Variants in RBFOX1 observed in about 807,000 individuals in gnomAD.
RBFOX1 encodes RNA binding protein fox-1 homolog 1.
In RBFOX1, 8 loss-of-function variants were observed where a neutral mutation model predicts 57.7. That is an observed-to-expected ratio of 0.14 (90% CI 0.08 to 0.25). The LOEUF (loss-of-function observed/expected upper bound fraction) is 0.25. Among genes scored for constraint, RBFOX1 ranks in the 10% least tolerant of loss-of-function variants. The pLI is 1.00. For synonymous variants in RBFOX1, 326 were observed against 222.4 expected (o/e 1.47, Z -4.15); for missense variants, 611 against 548.5 (o/e 1.11, Z -1.14).
intron 1 of RBFOX1, among the ~76,000 whole-genome samples, chr16:6,241,617 C>T (rs528328431): frequency 7.2e-5 from 11 of 152,262 alleles, no homozygotes; most frequent in South Asian, 2.1e-4. Flanking sequence ...CTCCCAAAGA[C>T]GTGGTGTTAA....
intron 2 of RBFOX1, among the ~76,000 whole-genome samples, chr16:6,379,007 C>G (rs1282532615): frequency 6.6e-6 from 1 of 152,064 alleles, no homozygotes; most frequent in African/African-American, 2.4e-5. Context: ...GAAGAGAGCT[C>G]TTCACGTGGG....
chr16:6,524,814 C>T (rs1306849787), intron 2 of RBFOX1, among the ~76,000 whole-genome samples: 1 of 152,144 alleles, frequency 6.6e-6, no homozygotes, highest in Non-Finnish European at 1.5e-5. Context: ...CTTCTTCCTC[C>T]ATCACCTGGC....
At chr16:7,247,327 G>A (rs1257102700) in intron 4 of RBFOX1, among the ~76,000 whole-genome samples, 3 of 152,106 alleles carry the variant, frequency 2.0e-5, no homozygotes, top group Non-Finnish European at 4.4e-5. Context: ...AGACACACCC[G>A]CAGTGGAGGG....
At chr16:5,984,458 CAT>C (rs947414951) in intron 4 of RBFOX1, among the ~76,000 whole-genome samples, 1 of 151,766 alleles carries the variant, frequency 6.6e-6, no homozygotes, top group Non-Finnish European at 1.5e-5. Context: ...ATTATCCAGC[CAT>C]AGTTATCCCA....
At chr16:7,576,915 C>T (rs771082729) in intron 5 of RBFOX1, among the ~76,000 whole-genome samples, 2 of 152,094 alleles carry the variant, frequency 1.3e-5, no homozygotes, top group Non-Finnish European at 2.9e-5. Context: ...CTGTAAACTC[C>T]GAGTCTGGGT....
chr16:6,210,797 CT>C (rs1289352617), intron 1 of RBFOX1, among the ~76,000 whole-genome samples: 4 of 152,050 alleles, frequency 2.6e-5, no homozygotes, highest in Non-Finnish European at 4.4e-5. Context: ...GTAATAATGC[CT>C]GATTCTTCAA....
chr16:6,726,311 G>A (rs2067157211), intron 3 of RBFOX1, among the ~76,000 whole-genome samples: 3 of 151,714 alleles, frequency 2.0e-5, no homozygotes, highest in Non-Finnish European at 2.9e-5. Flanking sequence ...TAAGTAGTGT[G>A]CTTTCAAATT....
intron 4 of RBFOX1, among the ~76,000 whole-genome samples, chr16:7,381,532 T>G (rs892457063): frequency 1.3e-5 from 2 of 152,098 alleles, no homozygotes; most frequent in Non-Finnish European, 2.9e-5. Flanking sequence ...ATTAACAGCT[T>G]CACAGTGTTC....
intron 3 of RBFOX1, among the ~76,000 whole-genome samples, chr16:6,768,676 A>G (rs138185391): frequency 6.1e-4 from 92 of 149,600 alleles, no homozygotes; most frequent in African/African-American, 2.2e-3. Flanking sequence ...AGGCATATAT[A>G]TGTAAAATAT....
Position 6,763,253 on chromosome 16 carries a change from G to T in RBFOX1, c.-16+108603G>T, listed in dbSNP as rs183500961. Among the ~76,000 whole-genome samples, 299 of 152,286 alleles carry T rather than the reference G, an allele frequency of 2.0e-3. 1 individual carries two copies. Among genetic ancestry groups the T allele is most frequent in the Non-Finnish European group, 3.3e-3 (226 of 68,026 alleles). On this transcript the variant is annotated intron_variant, in intron 3 of 15. Coordinates refer to ENST00000550418, the MANE Select transcript of RBFOX1 (RefSeq NM_018723.4). Reference sequence around the variant, plus strand: ...TGAAGGAATGAATTAATCAATAAATGGTTTATCACAATTTCCTCCTGTTAG... The same window carrying T: ...TGAAGGAATGAATTAATCAATAAATTGTTTATCACAATTTCCTCCTGTTAG...
At chr16:5,727,036 A>G (rs1319116286) in intron 3 of RBFOX1, among the ~76,000 whole-genome samples, 1 of 152,172 alleles carries the variant, frequency 6.6e-6, no homozygotes, top group Non-Finnish European at 1.5e-5. Flanking sequence ...GGGCGGGTGG[A>G]TTACTTGAGG....
chr16:6,034,967 A>AGTTACTTAACT (rs369631106), intron 1 of RBFOX1, among the ~76,000 whole-genome samples: 3 of 151,762 alleles, frequency 2.0e-5, no homozygotes, highest in African/African-American at 4.9e-5. Flanking sequence ...TAAGCAGCAG[A>AGTTACTTAACT]GAGCATACTA....
intron 4 of RBFOX1, among the ~76,000 whole-genome samples, chr16:7,435,328 C>G (rs7184786): frequency 6.6e-6 from 1 of 151,740 alleles, no homozygotes; most frequent in East Asian, 1.9e-4. Context: ...TTATGGGTTA[C>G]GGAGAGGAAG....
Position 5,537,081 on chromosome 16 carries a change from G to C in RBFOX1, c.259-61821G>C, listed in dbSNP as rs139151371. ...CACTGGAAGCATCCTTAGTGTCCAT[G>C]TTTCTTGTACTTCTGCTAGCAGTCT... On this transcript the variant is annotated intron_variant, in intron 2 of 2. Coordinates refer to the RBFOX1 transcript ENST00000585867. Among the ~76,000 whole-genome samples the C allele has an allele frequency of 2.6e-5, 4 of 152,268 alleles. No homozygotes were observed. The East Asian group carries it at 5.8e-4, about 22-fold the overall frequency.
chr16:7,298,888 C>G (rs1338654147), intron 4 of RBFOX1, among the ~76,000 whole-genome samples: 1 of 152,164 alleles, frequency 6.6e-6, no homozygotes, highest in African/African-American at 2.4e-5. Flanking sequence ...CTTGCTATCT[C>G]TGGGTCTCTC....
chr16:7,661,369 C>T (rs1013889861), intron 12 of RBFOX1, among the ~76,000 whole-genome samples: 2 of 152,180 alleles, frequency 1.3e-5, no homozygotes, highest in African/African-American at 4.8e-5. Flanking sequence ...TCCCCCCAGC[C>T]CTCCAAGAAG....
intron 1 of RBFOX1, among the ~76,000 whole-genome samples, chr16:6,034,887 A>G (rs1056944877): frequency 4.3e-4 from 65 of 152,106 alleles, no homozygotes; most frequent in African/African-American, 1.4e-3. Flanking sequence ...TACAGGGTGG[A>G]TGGTCAGCTC....
chr16:5,424,919 C>CTTTCTTTCTTTCTTCCTT (rs2067483071), intron 1 of RBFOX1, among the ~76,000 whole-genome samples: 1 of 96,692 alleles, frequency 1.0e-5, no homozygotes, highest in Non-Finnish European at 2.0e-5. Context: ...TTCTTTCTTT[C>CTTTCTTTCTTTCTTCCTT]TTTCTTTCTT....
chr16:6,428,285 CAAAAA>C (rs755273285), intron 2 of RBFOX1, among the ~76,000 whole-genome samples: 4 of 51,222 alleles, frequency 7.8e-5, no homozygotes, highest in East Asian at 5.2e-4. Context: ...GACCTTGTCT[CAAAAA>C]AAAAAAAAAA....
Sources: allele counts gnomAD v4.1 joint callset (sites outside exome capture counted in the v4.1 genomes callset), GRCh38; gene constraint gnomAD v4.1.1; transcripts MANE v1.5; gene names NCBI Gene and HGNC (gene_info 2026-07-23, HGNC 2026-07-21).